Variants in CPS1 observed in about 807,000 individuals in gnomAD.
CPS1 encodes the protein carbamoyl-phosphate synthase 1.
In CPS1, 109 loss-of-function variants were observed where a neutral mutation model predicts 174.6. That is an observed-to-expected ratio of 0.62 (90% confidence interval 0.53 to 0.73). CPS1 has a LOEUF of 0.73. Among genes scored for constraint, CPS1 ranks in the 30% least tolerant of loss-of-function variants. The pLI, the probability that CPS1 is intolerant of heterozygous loss-of-function variation, is 0.00. For synonymous variants in CPS1, 637 were observed against 632.0 expected (o/e 1.01, Z -0.12); for missense variants, 1,689 against 1,821.9 (o/e 0.93, Z 1.33).
At chr2:210,553,626 A>T (rs1462022036), upstream of CPS1, among the ~76,000 whole-genome samples, 1 of 152,048 alleles carries the variant, frequency 6.6e-6, no homozygotes, top group African/African-American at 2.4e-5. Flanking sequence ...CACTCTGCTC[A>T]GCTGCGTGCA....
In CPS1 at chr2:210,499,278, C is replaced by T. The variant is rs1695080428; in HGVS notation, c.3+21512C>T. Among the ~76,000 whole-genome samples the T allele has an allele frequency of 3.3e-5, 5 of 152,206 alleles. 1 individual carries two copies. Among genetic ancestry groups the T allele is most frequent in the Non-Finnish European group, 1.5e-5 (1 of 67,976 alleles). On this transcript the variant is annotated intron_variant, in intron 1 of 38. Transcript: ENST00000430249. ...GGAGAGGGACCCACTGCACCGTGAT[C>T]CCAGAGAAGGAGGTTGGGCCACCCA...
intron 5 of CPS1, among the ~76,000 whole-genome samples, chr2:210,580,485 T>G (rs1409314378): frequency 6.6e-6 from 1 of 152,070 alleles, no homozygotes; most frequent in Non-Finnish European, 1.5e-5. Flanking sequence ...TCACTAACGT[T>G]AACTAAATTC....
intron 22 of CPS1, 137 bp from the exon 23 acceptor site, chr2:210,639,013 G>A (rs1700124755): frequency 8.9e-6 from 6 of 673,096 alleles, no homozygotes; most frequent in South Asian, 5.2e-5. Flanking sequence ...GCAATTCCAC[G>A]GGTCATACAT....
intron 6 of CPS1, among the ~76,000 whole-genome samples, chr2:210,583,115 C>A (rs575662479): frequency 6.6e-6 from 1 of 152,090 alleles, no homozygotes; most frequent in African/African-American, 2.4e-5. Flanking sequence ...TAATCAGAAT[C>A]TGGGGGCATT....
At chr2:210,641,899 T>G (rs1272604217) in intron 24 of CPS1, among the ~76,000 whole-genome samples, 1 of 152,244 alleles carries the variant, frequency 6.6e-6, no homozygotes, top group Non-Finnish European at 1.5e-5. Flanking sequence ...AGGCCATTAT[T>G]ACACTTCAGA....
intron 1 of CPS1, among the ~76,000 whole-genome samples, chr2:210,492,287 G>A (rs1694894616): frequency 1.3e-5 from 2 of 152,148 alleles, no homozygotes; most frequent in Non-Finnish European, 1.5e-5. Flanking sequence ...TGAAAGTAGA[G>A]GTTCCAAAAT....
intron 24 of CPS1, among the ~76,000 whole-genome samples, chr2:210,641,259 C>T (rs1040517861): frequency 1.3e-5 from 2 of 152,048 alleles, no homozygotes; most frequent in Non-Finnish European, 2.9e-5. Context: ...GAAGCTGGGC[C>T]TATAGGCATG....
At chr2:210,645,390 C>T (rs1269055531) in intron 25 of CPS1, among the ~76,000 whole-genome samples, 2 of 152,020 alleles carry the variant, frequency 1.3e-5, no homozygotes, top group African/African-American at 4.8e-5. Context: ...ATTAACTACA[C>T]CTGAAATGAG....
chr2:210,674,646 A>G (rs980145506), intron 34 of CPS1: 5 of 518,828 alleles, frequency 9.6e-6, no homozygotes, highest in Non-Finnish European at 1.4e-5. Flanking sequence ...AGTAGATTAA[A>G]TAGAGAATAA....
chr2:210,512,542 T>G (rs1213303108), intron 1 of CPS1, among the ~76,000 whole-genome samples: 3 of 151,616 alleles, frequency 2.0e-5, no homozygotes, highest in Non-Finnish European at 4.4e-5. Flanking sequence ...ATTTTATTCT[T>G]TTTTTATGGC....
Position 210,550,059 on chromosome 2 carries a change from G to A in CPS1, c.4-6660G>A, listed in dbSNP as rs567643449. Among the ~76,000 whole-genome samples the A allele has an allele frequency of 2.0e-5, 3 of 151,998 alleles. No homozygotes were observed. In the East Asian group the frequency reaches 5.8e-4, roughly 30 times the overall value. ...GAATCAGTTAATCAGCTAGAAACGTGGCTCACAGATGAATTAGTTTTATTA... is the reference window on the plus strand; with the variant it reads ...GAATCAGTTAATCAGCTAGAAACGTAGCTCACAGATGAATTAGTTTTATTA... On this transcript the variant is annotated intron_variant, in intron 1 of 38. Transcript: ENST00000430249.
intron 1 of CPS1, among the ~76,000 whole-genome samples, chr2:210,541,362 T>C (rs188173210): frequency 1.4e-4 from 21 of 152,158 alleles, no homozygotes; most frequent in Admixed American, 3.9e-4. Flanking sequence ...GAGAGCGCTG[T>C]CCCATTTGCA....
intron 3 of CPS1, among the ~76,000 whole-genome samples, chr2:210,576,912 C>T (rs768181214): frequency 1.8e-4 from 28 of 152,082 alleles, no homozygotes; most frequent in Non-Finnish European, 3.7e-4. Context: ...ATTTCCTAAA[C>T]AAGGTAATTT....
chr2:210,645,502 A>C (rs1307715825), intron 25 of CPS1, among the ~76,000 whole-genome samples: 1 of 152,138 alleles, frequency 6.6e-6, no homozygotes, highest in East Asian at 1.9e-4. Flanking sequence ...CAATCTATAG[A>C]GTTGAGTTCA....
At chr2:210,592,654 T>A (rs1282880273) in intron 10 of CPS1, among the ~76,000 whole-genome samples, 1 of 152,000 alleles carries the variant, frequency 6.6e-6, no homozygotes, top group Non-Finnish European at 1.5e-5. Flanking sequence ...ACACATTCAG[T>A]TGAGTCTTCA....
At chr2:210,616,262 T>G (rs1040748000) in intron 20 of CPS1, among the ~76,000 whole-genome samples, 161 bp from the exon 21 acceptor site, 11 of 152,036 alleles carry the variant, frequency 7.2e-5, no homozygotes, top group African/African-American at 2.2e-4. Context: ...TTATGTTTAT[T>G]GGAAGGAATG....
Position 210,678,673 on chromosome 2 carries a change from A to G in CPS1, c.*688A>G, listed in dbSNP as rs977889669. The G allele has an allele frequency of 6.5e-6, 1 of 152,958 alleles. No homozygotes were observed. Among genetic ancestry groups the G allele is most frequent in the Non-Finnish European group, 1.5e-5 (1 of 68,762 alleles). The allele number at this position is 152,958 out of a possible 1,614,324, so 9.5% of individuals were successfully genotyped here. ...AGTGGCACAATCTCGGCTCACTGCA[A>G]TTTCCGTCTCCCAAGTTCAAGCGAT... is the stretch of plus-strand genomic sequence containing the variant. On this transcript the variant is annotated 3_prime_UTR_variant, in exon 38 of 38. Coordinates refer to ENST00000233072, the MANE Select transcript of CPS1 (RefSeq NM_001875.5).
At chr2:210,677,208 T>C (rs2105946271) in intron 37 of CPS1, 72 bp downstream of exon 37, 2 of 1,384,444 alleles carry the variant, frequency 1.4e-6, no homozygotes, top group South Asian at 2.3e-5. Context: ...GTGTAATCAG[T>C]AGATGCACAT....
At chr2:210,624,430 C>T (rs999908336) in intron 21 of CPS1, among the ~76,000 whole-genome samples, 1 of 152,018 alleles carries the variant, frequency 6.6e-6, no homozygotes, top group South Asian at 2.1e-4. Flanking sequence ...TATAATGAAC[C>T]TCTTCAGGTG....
Sources: allele counts gnomAD v4.1 joint callset (sites outside exome capture counted in the v4.1 genomes callset), GRCh38; gene constraint gnomAD v4.1.1; transcripts MANE v1.5; gene names NCBI Gene and HGNC (gene_info 2026-07-23, HGNC 2026-07-21).